The following HOOK2 variants were observed in gnomAD, a reference collection of about 807,000 sequenced individuals.
The protein encoded by HOOK2 is protein Hook homolog 2.
Under a neutral mutation model 111.9 loss-of-function variants are expected in HOOK2, and 108 were observed. The observed-to-expected ratio is 0.96, with a 90% CI of 0.83 to 1.13. HOOK2 has a LOEUF of 1.13. HOOK2 is among the 50% of genes most tolerant of loss of function. The pLI is 0.00. For synonymous variants in HOOK2, 405 were observed against 394.3 expected, an observed-to-expected ratio of 1.03 and a Z score of -0.32; for missense variants, 978 against 951.3, an observed-to-expected ratio of 1.03 and a Z score of -0.37.
chr19:12,772,973 A>C, intron 4 of HOOK2, 21 bp downstream of exon 4: 1 of 1,614,162 alleles, frequency 6.2e-7, no homozygotes, highest in Non-Finnish European at 8.5e-7. Flanking sequence ...CAACCCCCTG[A>C]ATCCCTTTAC....
At chr19:12,772,353 G>T in intron 6 of HOOK2, 101 bp from the exon 7 acceptor site, 1 of 1,320,332 alleles carries the variant, frequency 7.6e-7, no homozygotes, top group Non-Finnish European at 1.1e-6. Flanking sequence ...TCCCGTCAAG[G>T]CCAGTTCTGC....
In HOOK2 at chr19:12,763,612, C is replaced by G; in HGVS notation, c.1939-13G>C. ...TCTCAAAGTCCATCTGTCAAGGAGG[C>G]AAGTGTCAGGGGCCTAGATACGTTG... On this transcript the variant is annotated splice_polypyrimidine_tract_variant and intron_variant, in intron 21 of 22. Coordinates refer to ENST00000397668, the MANE Select transcript of HOOK2 (RefSeq NM_013312.3). 2.5e-6 allele frequency: 4 copies of G among 1,614,232 alleles called. No homozygotes were observed. The highest frequency in any genetic ancestry group is 3.4e-6 in the Non-Finnish European group (4 of 1,180,036).
chr19:12,789,612 T>C (rs1968686160), intron 3 of HOOK2, among the ~76,000 whole-genome samples: 1 of 151,956 alleles, frequency 6.6e-6, no homozygotes, highest in African/African-American at 2.4e-5. Context: ...GCAGCCGCCG[T>C]TCCAGCCCGC....
In HOOK2 at chr19:12,765,236, G is replaced by A. The variant is rs779967748; in HGVS notation, c.1641-155C>T. Reference sequence around the variant, plus strand: ...CCTCATGCCTGGGGCTGTGTGCCCTGGTCCCACCGGCTCCACAGCTGTCAG... The same window carrying A: ...CCTCATGCCTGGGGCTGTGTGCCCTAGTCCCACCGGCTCCACAGCTGTCAG... On this transcript the variant is annotated intron_variant, in intron 18 of 22. Coordinates refer to ENST00000397668, the MANE Select transcript of HOOK2 (RefSeq NM_013312.3). 1.8e-5 allele frequency: 13 copies of A among 707,658 alleles called. No homozygotes were observed. In the Middle Eastern group the frequency reaches 9.7e-4, roughly 53 times the overall value. 43.8% of individuals were successfully genotyped at this position (707,658 alleles called of 1,614,324 possible).
At chr19:12,783,647 A>T (rs1170523304) in intron 3 of HOOK2, among the ~76,000 whole-genome samples, 1 of 151,820 alleles carries the variant, frequency 6.6e-6, no homozygotes, top group Non-Finnish European at 1.5e-5. Context: ...CTCTGCCCTC[A>T]TTGCTGCCTG....
chr19:12,765,119 G>A (rs746511470), intron 18 of HOOK2, 38 bp from the exon 19 acceptor site: 16 of 1,605,430 alleles, frequency 1.0e-5, no homozygotes, highest in Admixed American at 3.3e-5. Flanking sequence ...GCTGACCTCC[G>A]GGCTGGCTTC....
chr19:12,784,156 T>C (rs1263319718), intron 3 of HOOK2, among the ~76,000 whole-genome samples: 1 of 151,886 alleles, frequency 6.6e-6, no homozygotes, highest in Non-Finnish European at 1.5e-5. Flanking sequence ...GGTCAGCCCC[T>C]CCCGGGGCAG....
At chr19:12,779,908 G>C (rs1225101722), upstream of HOOK2, among the ~76,000 whole-genome samples, 1 of 152,140 alleles carries the variant, frequency 6.6e-6, no homozygotes, top group African/African-American at 2.4e-5. Flanking sequence ...CCAGCACTTT[G>C]GGAGGTCAAG....
chr19:12,770,816 T>C (rs796941248), intron 10 of HOOK2, 116 bp downstream of exon 10: 9 of 1,303,224 alleles, frequency 6.9e-6, no homozygotes, highest in African/African-American at 1.5e-5. Context: ...AGGGGGCATA[T>C]TGGGGGTTCA....
chr19:12,780,796 G>C (rs974703441), upstream of HOOK2, among the ~76,000 whole-genome samples: 2 of 136,834 alleles, frequency 1.5e-5, no homozygotes, highest in Admixed American at 7.5e-5. Context: ...GGCTAACACA[G>C]TGAAACCCCG....
intron 11 of HOOK2, among the ~76,000 whole-genome samples, chr19:12,769,202 G>T (rs995332047): frequency 5.3e-5 from 8 of 151,858 alleles, no homozygotes; most frequent in African/African-American, 1.4e-4. Flanking sequence ...CCTGACCTCG[G>T]GATCCACCCG....
intron 1 of HOOK2, 116 bp downstream of exon 1, chr19:12,775,289 G>A (rs1968466088): frequency 5.4e-6 from 8 of 1,491,180 alleles, no homozygotes; most frequent in Middle Eastern, 1.8e-4. Flanking sequence ...GGTCCAGCAA[G>A]TCGACGACCC....
At chr19:12,766,659 C>T (rs1968160302) in intron 14 of HOOK2, 3 of 170,262 alleles carry the variant, frequency 1.8e-5, no homozygotes, top group Admixed American at 6.2e-5. Context: ...TCTCGGCTCA[C>T]TGCAACCTCT....
chr19:12,777,121 C>T (rs1438539160), upstream of HOOK2, among the ~76,000 whole-genome samples: 1 of 151,802 alleles, frequency 6.6e-6, no homozygotes, highest in Non-Finnish European at 1.5e-5. Context: ...CGCGCCACTG[C>T]ACTCCAGCCT....
intron 3 of HOOK2, chr19:12,774,457 G>A: frequency 1.6e-6 from 1 of 609,844 alleles, no homozygotes; most frequent in Non-Finnish European, 3.0e-6. Flanking sequence ...TAGAATGATG[G>A]CTGTGTGGGG....
Position 12,771,454 on chromosome 19 carries a change from A to T in HOOK2, c.543T>A (p.Ser181Arg). ...ATTCGTCCCCCTCCTCAGCCTCCTC[A>T]CTTAGGAAATAGTACCTGCGGGACT... Reference protein sequence around the residue: ...DSQSRRYYFLSEEAEEGDELQ... With the variant: ...DSQSRRYYFLREEAEEGDELQ... Residue 181 changes from serine (S) to arginine (R), a missense_variant, in exon 8 of 23, where the codon AGT becomes AGA. Ser to Arg is a moderately radical substitution (Grantham distance 110). Coordinates refer to ENST00000397668, the MANE Select transcript of HOOK2 (RefSeq NM_013312.3). 1 of 1,613,182 alleles carries T rather than the reference A, an allele frequency of 6.2e-7. No homozygotes were observed. The highest frequency in any genetic ancestry group is 8.5e-7 in the Non-Finnish European group (1 of 1,179,666).
At chr19:12,768,981 T>C (rs1968236272) in intron 11 of HOOK2, among the ~76,000 whole-genome samples, 1 of 149,164 alleles carries the variant, frequency 6.7e-6, no homozygotes, top group Admixed American at 6.7e-5. Context: ...TTTTTTTTTT[T>C]TCGAGACGGA....
At chr19:12,779,443 T>C (rs1386940584), upstream of HOOK2, among the ~76,000 whole-genome samples, 2 of 152,154 alleles carry the variant, frequency 1.3e-5, no homozygotes, top group African/African-American at 2.4e-5. Context: ...AGCCCAGATA[T>C]TGACATCCTG....
chr19:12,780,986 AT>A (rs1466564338), upstream of HOOK2, among the ~76,000 whole-genome samples: 3 of 138,060 alleles, frequency 2.2e-5, no homozygotes, highest in Admixed American at 7.4e-5. Flanking sequence ...TCAAAAAATA[AT>A]AATAATAATA....
Sources: gnomAD v4.1 joint callset for allele counts (sites outside exome capture counted in the v4.1 genomes callset) on GRCh38, gnomAD v4.1.1 for gene constraint, MANE v1.5 for transcripts, NCBI Gene and HGNC (gene_info 2026-07-23, HGNC 2026-07-21) for gene names.